Variants in MBOAT1 observed in about 807,000 individuals in gnomAD.
MBOAT1 encodes membrane-bound glycerophospholipid O-acyltransferase 1.
In MBOAT1, 67 loss-of-function variants were observed where a neutral mutation model predicts 64.4. That is an observed-to-expected ratio of 1.04 (90% CI 0.85 to 1.27). MBOAT1 has a LOEUF of 1.27. MBOAT1 is among the 50% of genes most tolerant of loss of function. MBOAT1 has a pLI of 0.00. For synonymous variants in MBOAT1, 229 were observed against 218.9 expected, an observed-to-expected ratio of 1.05 and a Z score of -0.41; for missense variants, 563 against 604.6, an observed-to-expected ratio of 0.93 and a Z score of 0.72.
intron 1 of MBOAT1, among the ~76,000 whole-genome samples, chr6:20,182,029 G>A (rs1011116187): frequency 6.6e-6 from 1 of 152,158 alleles, no homozygotes; most frequent in Non-Finnish European, 1.5e-5. Context: ...GGGTTACCCT[G>A]GATAAATTGC....
At chr6:20,113,109 G>C (rs776354616) in intron 10 of MBOAT1, 101 bp from the exon 11 acceptor site, 28 of 1,402,494 alleles carry the variant, frequency 2.0e-5, no homozygotes, top group Non-Finnish European at 2.7e-5. Flanking sequence ...GCATTTGGTT[G>C]TTACTGATGA....
At chr6:20,194,474 A>G (rs1342843609) in intron 1 of MBOAT1, among the ~76,000 whole-genome samples, 1 of 152,214 alleles carries the variant, frequency 6.6e-6, no homozygotes, top group Non-Finnish European at 1.5e-5. Context: ...GGTATTTTGT[A>G]GAAACCCTCG....
At chr6:20,199,176 G>A (rs541148301) in intron 1 of MBOAT1, among the ~76,000 whole-genome samples, 25 of 152,218 alleles carry the variant, frequency 1.6e-4, no homozygotes, top group East Asian at 9.6e-4. Flanking sequence ...AGCCTACTCC[G>A]GCTTGGGAGG....
In MBOAT1 at chr6:20,169,749, C is replaced by T. The variant is rs73729918; in HGVS notation, c.100-16980G>A. Among the ~76,000 whole-genome samples, 1,272 of 152,248 alleles carry T rather than the reference C, an allele frequency of 8.4e-3. 25 individuals carry two copies. The highest frequency in any genetic ancestry group is 0.028 in the African/African-American group (1,157 of 41,536). On this transcript the variant is annotated intron_variant, in intron 1 of 12. Transcript: ENST00000324607. Reference sequence around the variant, plus strand: ...ATAATAAACACGTTTTCCTGTGGTGCCTATTAATTCTCCTATCCTCCCATC... The same window carrying T: ...ATAATAAACACGTTTTCCTGTGGTGTCTATTAATTCTCCTATCCTCCCATC...
At position 20,164,202 on chromosome 6, in the gene MBOAT1, CACAA is replaced by C. The variant is rs774394178; in HGVS notation, c.100-11437_100-11434del. Reference sequence around the variant, plus strand: ...ACACACACACACACACACACACACACACAAACACACCCCATATATATGTAACCTG... The same window carrying C: ...ACACACACACACACACACACACACACACACACCCCATATATATGTAACCTG... On this transcript the variant is annotated intron_variant, in intron 1 of 12. Transcript: ENST00000324607. 7.5e-3 allele frequency among the ~76,000 whole-genome samples: 1,110 copies of C among 147,238 alleles called. 14 individuals are homozygous for C. The highest frequency in any genetic ancestry group is 0.039 in the South Asian group (181 of 4,654).
chr6:20,208,445 C>CAAAAAAAAAAAAAAAAG (rs10527757), intron 1 of MBOAT1, among the ~76,000 whole-genome samples: 2 of 74,818 alleles, frequency 2.7e-5, no homozygotes, highest in East Asian at 1.2e-3. Flanking sequence ...GACTCTGTCT[C>CAAAAAAAAAAAAAAAAG]AAAAAAAAAA....
chr6:20,152,686 A>G lies in MBOAT1; in HGVS notation c.183T>C (p.Ser61=), dbSNP rs1204137823. Residue 61 remains serine, a synonymous_variant, in exon 2 of 13, where the codon TCT becomes TCC. Coordinates refer to ENST00000324607, the MANE Select transcript of MBOAT1 (RefSeq NM_001080480.3). ...RIYLRPGTTS[S]DVRHAVATIF... is the part of the protein sequence containing the mutation. ...TGGTGGCAACCGCATGCCGGACATC[A>G]GAGCTGGTTGTACCAGGACGTAAGT... is the stretch of plus-strand genomic sequence containing the variant. 1 of 1,612,292 alleles carries G rather than the reference A, an allele frequency of 6.2e-7. No individual in the cohort carries two copies. Among genetic ancestry groups the G allele is most frequent in the East Asian group, 2.2e-5 (1 of 44,760 alleles).
chr6:20,104,857 T>C (rs559580543), intron 12 of MBOAT1, among the ~76,000 whole-genome samples: 80 of 152,326 alleles, frequency 5.3e-4, no homozygotes, highest in African/African-American at 1.9e-3. Context: ...ATCCTTTCAA[T>C]ATGCATTTAC....
At chr6:20,149,436 C>G (rs974459807) in intron 3 of MBOAT1, among the ~76,000 whole-genome samples, 1 of 152,146 alleles carries the variant, frequency 6.6e-6, no homozygotes, top group South Asian at 2.1e-4. Context: ...TATACAGTTG[C>G]ACCAACATTA....
rs796831503 is a variant in MBOAT1 at position 20,144,220 on chromosome 6, C to G, written c.419G>C (p.Gly140Ala). 5.6e-6 allele frequency: 9 copies of G among 1,602,490 alleles called. No homozygotes were observed. Among genetic ancestry groups the G allele is most frequent in the Non-Finnish European group, 5.1e-6 (6 of 1,170,718 alleles). The change falls in exon 4 of 13, where the codon GGG (glycine) becomes GCG (alanine). Residue 140 changes from glycine to alanine, a missense_variant and splice_region_variant. Transcript: ENST00000324607. ...CCTCTCTCTAATGTAAGATACTTAC[C>G]CAGAAAAATCCGTAGTGAGAATTCC... ...HYGILTTDFSGPLMIVTQKIT... is the reference protein window; with the variant it reads ...HYGILTTDFSAPLMIVTQKIT...
At position 20,112,982 on chromosome 6, in the gene MBOAT1, T is replaced by C; in HGVS notation, c.1103A>G (p.Tyr368Cys). The C allele has an allele frequency of 6.2e-7, 1 of 1,613,962 alleles. No homozygotes were observed. Among genetic ancestry groups the C allele is most frequent in the African/African-American group, 1.3e-5 (1 of 75,018 alleles). ...KCVCYQRVPW[Y>C]PTVLTFILSA... ...CAGGATGAAGGTTAGCACCGTGGGG[T>C]ACCATGGAACCCGCTGATAGCACAC... The change falls in exon 11 of 13, where the codon TAC becomes TGC. Residue 368 changes from tyrosine to cysteine, a missense_variant. Coordinates refer to ENST00000324607, the MANE Select transcript of MBOAT1 (RefSeq NM_001080480.3).
chr6:20,183,696 TATTGCTTCTGGCAAAACCCTGCCC>T (rs1762570010), intron 1 of MBOAT1, among the ~76,000 whole-genome samples: 1 of 152,342 alleles, frequency 6.6e-6, no homozygotes, highest in Non-Finnish European at 1.5e-5. Flanking sequence ...TGCACAAAAG[TATTGCTTCTGGCAAAACCCTGCCC>T]AAAAGGCTTG....
At chr6:20,129,057 G>A (rs1266652086) in intron 5 of MBOAT1, among the ~76,000 whole-genome samples, 1 of 152,090 alleles carries the variant, frequency 6.6e-6, no homozygotes, top group Non-Finnish European at 1.5e-5. Flanking sequence ...GTGCATCTGG[G>A]AGTTCCTTGC....
In MBOAT1 at chr6:20,109,671, T is replaced by TGAC. The variant is rs1760065214; in HGVS notation, c.1285_1287dup (p.Val429dup). The stretch of plus-strand genomic sequence containing the variant: ...ACCGTGTAAGAGACAGCCAGCTGAG[T>TGAC]GACGGCCCAGGTGCCTGCATCATAC... On this transcript the variant is annotated inframe_insertion, in exon 12 of 13. Transcript: ENST00000324607. The TGAC allele has an allele frequency of 6.2e-7, 1 of 1,613,996 alleles. No individual in the cohort carries two copies. Among genetic ancestry groups the TGAC allele is most frequent in the Non-Finnish European group, 8.5e-7 (1 of 1,180,016 alleles).
intron 1 of MBOAT1, among the ~76,000 whole-genome samples, chr6:20,159,861 A>G (rs928795590): frequency 1.3e-4 from 20 of 152,270 alleles, no homozygotes; most frequent in African/African-American, 4.8e-4. Flanking sequence ...AAAGGAATAT[A>G]TACAAAGTTT....
At chr6:20,105,104 T>C (rs1759912511) in intron 12 of MBOAT1, among the ~76,000 whole-genome samples, 3 of 152,356 alleles carry the variant, frequency 2.0e-5, no homozygotes, top group Admixed American at 2.0e-4. Context: ...ACTGGGATTC[T>C]CATGGGCACA....
At position 20,112,873 on chromosome 6, in the gene MBOAT1, T is replaced by C; in HGVS notation, c.1209+3A>G. On this transcript the variant is annotated splice_donor_region_variant and intron_variant, in intron 11 of 12. Transcript: ENST00000324607. ...AAAGACCCTAGGCCTAAAGCACACT[T>C]ACCGCTCTAGCTGCTAATGTGACAA... is the stretch of plus-strand genomic sequence containing the variant. 3 of 1,612,794 alleles carry C rather than the reference T, an allele frequency of 1.9e-6. No homozygotes were observed. Among genetic ancestry groups the C allele is most frequent in the Non-Finnish European group, 2.5e-6 (3 of 1,179,320 alleles).
At chr6:20,128,584 A>G (rs1760726374) in intron 6 of MBOAT1, 115 bp downstream of exon 6, 2 of 727,048 alleles carry the variant, frequency 2.8e-6, no homozygotes, top group African/African-American at 1.8e-5. Context: ...GATTCATAAA[A>G]TAAATGATAT....
intron 1 of MBOAT1, among the ~76,000 whole-genome samples, chr6:20,179,743 T>G (rs1324779332): frequency 6.6e-6 from 1 of 152,238 alleles, no homozygotes; most frequent in Non-Finnish European, 1.5e-5. Context: ...CACACTATCT[T>G]CCACAATGGT....
Sources: allele counts gnomAD v4.1 joint callset (sites outside exome capture counted in the v4.1 genomes callset), GRCh38; gene constraint gnomAD v4.1.1; transcripts MANE v1.5; gene names NCBI Gene and HGNC (gene_info 2026-07-23, HGNC 2026-07-21).